The following KCNQ3 variants were observed in gnomAD, a reference collection of about 807,000 sequenced individuals.
The protein encoded by KCNQ3 is potassium voltage-gated channel subfamily Q member 3.
A neutral mutation model predicts 92.5 loss-of-function variants in KCNQ3; 30 were observed. The observed-to-expected ratio is 0.32, with a 90% CI of 0.24 to 0.44. KCNQ3 has a LOEUF of 0.44. Among genes scored for constraint, KCNQ3 ranks in the 20% least tolerant of loss-of-function variants. KCNQ3 has a pLI of 1.00. For missense variants in KCNQ3, 913 were observed against 1,140.3 expected, an observed-to-expected ratio of 0.80 and a Z score of 2.87; for synonymous variants, 450 against 468.8, an observed-to-expected ratio of 0.96 and a Z score of 0.52.
intron 1 of KCNQ3, among the ~76,000 whole-genome samples, chr8:132,477,573 T>A (rs1240076949): frequency 6.6e-6 from 1 of 152,218 alleles, no homozygotes; most frequent in Non-Finnish European, 1.5e-5. Flanking sequence ...ACTAAGTAAG[T>A]ATGCTTCAAT....
chr8:132,300,342 G>A (rs1194353221), intron 1 of KCNQ3, among the ~76,000 whole-genome samples: 1 of 152,214 alleles, frequency 6.6e-6, no homozygotes, highest in Non-Finnish European at 1.5e-5. Flanking sequence ...GCCCTGCACA[G>A]GGACAAGAAT....
intron 6 of KCNQ3, 139 bp downstream of exon 6, chr8:132,174,100 A>T: frequency 1.4e-6 from 1 of 715,548 alleles, no homozygotes; most frequent in Non-Finnish European, 2.5e-6. Context: ...AAAAGGCAGG[A>T]TCATCATGCT....
chr8:132,403,229 G>A (rs2721898), intron 1 of KCNQ3, among the ~76,000 whole-genome samples: 85,804 of 134,236 alleles, frequency 0.64, 25,740 homozygotes, highest in South Asian at 0.77. Flanking sequence ...GCAAGAAAAC[G>A]CCCAAATGAG....
chr8:132,139,959 G>A, intron 11 of KCNQ3, 117 bp downstream of exon 11: 1 of 702,752 alleles, frequency 1.4e-6, no homozygotes. Context: ...AGGGTTAGTG[G>A]AGGGGCTTCT....
rs751162575 is a variant in KCNQ3 at position 132,132,222 on chromosome 8, T to C, written c.1842A>G (p.Glu614=). The C allele has an allele frequency of 6.2e-7, 1 of 1,613,974 alleles. No homozygotes were observed. Among genetic ancestry groups the C allele is most frequent in the South Asian group, 1.1e-5 (1 of 91,078 alleles). The change falls in exon 14 of 15, where the codon GAA becomes GAG. Residue 614 remains glutamate, a synonymous_variant. Coordinates refer to ENST00000388996, the MANE Select transcript of KCNQ3 (RefSeq NM_004519.4). ...CAAACTTCCCCATCATGCTTTGGTC[T>C]TCGATTTCTGATGTGGATGGTCTGG... ...YVARPSTSEI[E]DQSMMGKFVK...
chr8:132,125,695 C>T lies in KCNQ3; in HGVS notation c.*3567G>A, dbSNP rs1022711572. 1 of 152,134 alleles carries T rather than the reference C, an allele frequency of 6.6e-6. No individual in the cohort carries two copies. The highest frequency in any genetic ancestry group is 2.4e-5 in the African/African-American group (1 of 41,422). The allele number at this position is 152,134 out of a possible 1,614,324, so 9.4% of individuals were successfully genotyped here. Reference sequence around the variant, plus strand: ...TACAGTGTCTAGGAAGTACCTTGCACAAAATAGACACAGGATGCATAATTG... The same window carrying T: ...TACAGTGTCTAGGAAGTACCTTGCATAAAATAGACACAGGATGCATAATTG... On this transcript the variant is annotated 3_prime_UTR_variant, in exon 15 of 15. Transcript: ENST00000388996.
intron 1 of KCNQ3, among the ~76,000 whole-genome samples, chr8:132,194,023 T>C (rs1253796049): frequency 6.6e-6 from 1 of 152,204 alleles, no homozygotes; most frequent in Non-Finnish European, 1.5e-5. Flanking sequence ...AGCTCCCAGA[T>C]ACCCCTGCTG....
intron 1 of KCNQ3, among the ~76,000 whole-genome samples, chr8:132,341,142 G>C (rs557361183): frequency 6.6e-6 from 1 of 152,204 alleles, no homozygotes; most frequent in Non-Finnish European, 1.5e-5. Context: ...GGAGCAAAGA[G>C]AGGAACAGAA....
At chr8:132,444,703 C>T (rs1821629973) in intron 1 of KCNQ3, among the ~76,000 whole-genome samples, 1 of 152,204 alleles carries the variant, frequency 6.6e-6, no homozygotes, top group South Asian at 2.1e-4. Flanking sequence ...GACCACAGGT[C>T]AGTGCTGCTC....
chr8:132,247,619 A>G (rs1815223296), intron 1 of KCNQ3, among the ~76,000 whole-genome samples: 1 of 151,122 alleles, frequency 6.6e-6, no homozygotes, highest in Admixed American at 6.6e-5. Flanking sequence ...AGATGGTGAA[A>G]CCCCATCTCT....
At chr8:132,208,867 G>C (rs1563805409) in intron 1 of KCNQ3, among the ~76,000 whole-genome samples, 1 of 152,156 alleles carries the variant, frequency 6.6e-6, no homozygotes, top group Non-Finnish European at 1.5e-5. Flanking sequence ...TTTCAGCTCA[G>C]GCTCATTCCA....
intron 7 of KCNQ3, among the ~76,000 whole-genome samples, chr8:132,171,188 A>T (rs1382038022): frequency 1.3e-5 from 2 of 152,136 alleles, no homozygotes; most frequent in African/African-American, 4.8e-5. Context: ...TAAATATCCT[A>T]GAATCTCTAG....
intron 1 of KCNQ3, among the ~76,000 whole-genome samples, chr8:132,360,932 C>T (rs1359039411): frequency 6.6e-6 from 1 of 152,212 alleles, no homozygotes; most frequent in Non-Finnish European, 1.5e-5. Context: ...GCTTCAGCAT[C>T]ACTGCCCAGG....
In KCNQ3 at chr8:132,172,431, C is replaced by CACACACACACACACAG. The variant is rs777793487; in HGVS notation, c.1140+166_1140+167insCTGTGTGTGTGTGTGT. ...ACACACACACACACACACACACACA[C>CACACACACACACACAG]ACACAGACACACAAGACACACAGAC... On this transcript the variant is annotated intron_variant, in intron 7 of 14. Coordinates refer to ENST00000388996, the MANE Select transcript of KCNQ3 (RefSeq NM_004519.4). 0.026 allele frequency among the ~76,000 whole-genome samples: 3,908 copies of CACACACACACACACAG among 150,380 alleles called. 80 individuals carry two copies. Among genetic ancestry groups the CACACACACACACACAG allele is most frequent in the South Asian group, 0.06 (276 of 4,632 alleles).
intron 1 of KCNQ3, among the ~76,000 whole-genome samples, chr8:132,209,566 C>CAT (rs1170116786): frequency 6.6e-6 from 1 of 151,676 alleles, no homozygotes; most frequent in Non-Finnish European, 1.5e-5. Context: ...CACACACACA[C>CAT]GTATTGATGG....
chr8:132,129,414 C>T lies in KCNQ3; in HGVS notation c.2467G>A (p.Gly823Arg), dbSNP rs1563761293. Residue 823 changes from glycine to arginine, a missense_variant, in exon 15 of 15, where the codon GGG becomes AGG. Gly to Arg is a moderately radical substitution (Grantham distance 125). Around this residue, in one of 6 missense-constraint regions of KCNQ3, gnomAD observed 375 missense variants for 376.4 expected, o/e 1.00. Coordinates refer to ENST00000388996, the MANE Select transcript of KCNQ3 (RefSeq NM_004519.4). The surrounding 1 kb of genome is among the most constrained non-coding windows in gnomAD (Gnocchi z 5.9). ...RDDYVFGPNG[G>R]SSWMREKRYL... ...CGCTTCTCCCTCATCCAGCTCGACC[C>T]CCCATTGGGGCCGAACACATAATCA... The T allele has an allele frequency of 1.2e-6, 2 of 1,614,226 alleles. No homozygotes were observed. Among genetic ancestry groups the T allele is most frequent in the South Asian group, 1.1e-5 (1 of 91,084 alleles).
At chr8:132,248,414 T>C (rs922412066) in intron 1 of KCNQ3, among the ~76,000 whole-genome samples, 7 of 151,806 alleles carry the variant, frequency 4.6e-5, no homozygotes, top group Non-Finnish European at 1.0e-4. Flanking sequence ...AAATATCCTA[T>C]TAAAGTTAGT....
At chr8:132,467,963 G>C (rs1252875028) in intron 1 of KCNQ3, among the ~76,000 whole-genome samples, 2 of 152,164 alleles carry the variant, frequency 1.3e-5, no homozygotes, top group Non-Finnish European at 2.9e-5. Flanking sequence ...CCTTAGGCAA[G>C]TTTCAAATGG....
intron 1 of KCNQ3, among the ~76,000 whole-genome samples, chr8:132,406,426 T>G (rs1240743572): frequency 6.6e-6 from 1 of 152,132 alleles, no homozygotes; most frequent in Non-Finnish European, 1.5e-5. Context: ...AAAGTGCTGA[T>G]CAGTTTCATA....
Sources: gnomAD v4.1 joint callset for allele counts (sites outside exome capture counted in the v4.1 genomes callset) on GRCh38, gnomAD v4.1.1 for gene constraint, gnomAD v4.1.1 regional missense constraint, Gnocchi (gnomAD v3.1) non-coding constraint, MANE v1.5 for transcripts, NCBI Gene and HGNC (gene_info 2026-07-23, HGNC 2026-07-21) for gene names.